SAMD3: variants seen among roughly 807,000 people sequenced by gnomAD.
The protein encoded by SAMD3 is sterile alpha motif domain-containing protein 3.
SAMD3 carries 63 observed loss-of-function variants against 58.5 expected under a neutral mutation model. The observed-to-expected ratio is 1.08, with a 90% CI of 0.88 to 1.33. The LOEUF (loss-of-function observed/expected upper bound fraction) is 1.33. Ranked by LOEUF, SAMD3 falls within the 40% of genes most tolerant of loss-of-function variation. The pLI, the probability that SAMD3 is intolerant of heterozygous loss-of-function variation, is 0.00. For synonymous variants in SAMD3, 220 were observed against 210.3 expected (o/e 1.05, Z -0.40); for missense variants, 604 against 608.4 (o/e 0.99, Z 0.08).
intron 1 of SAMD3, among the ~76,000 whole-genome samples, chr6:130,330,391 T>A (rs995700369): frequency 6.6e-6 from 1 of 152,230 alleles, no homozygotes; most frequent in East Asian, 1.9e-4. Context: ...TATTGCTATC[T>A]AAGCTTTAAT....
At chr6:130,232,635 G>T (rs963655916) in intron 2 of SAMD3, among the ~76,000 whole-genome samples, 2 of 151,746 alleles carry the variant, frequency 1.3e-5, no homozygotes, top group Non-Finnish European at 1.5e-5. Flanking sequence ...CTCCTTTCTG[G>T]ATGTATGACT....
intron 8 of SAMD3, among the ~76,000 whole-genome samples, chr6:130,157,072 A>AAAATAAAT (rs140922244): frequency 7.4e-4 from 106 of 143,474 alleles, no homozygotes; most frequent in Admixed American, 1.1e-3. Context: ...TCCGTCTCAA[A>AAAATAAAT]AAATAAATAA....
intron 1 of SAMD3, among the ~76,000 whole-genome samples, chr6:130,344,936 C>G (rs1023056493): frequency 1.3e-5 from 2 of 151,698 alleles, no homozygotes; most frequent in Admixed American, 6.6e-5. Flanking sequence ...ATGCCCACCC[C>G]CCTCCATCTC....
intron 2 of SAMD3, 157 bp from the exon 3 acceptor site, chr6:130,215,451 T>A (rs564064100): frequency 1.6e-6 from 2 of 1,288,134 alleles, no homozygotes; most frequent in Admixed American, 7.5e-5. Flanking sequence ...ATTTAAAAAT[T>A]GCTAACAAAA....
At chr6:130,326,542 T>C (rs974534345) in intron 1 of SAMD3, among the ~76,000 whole-genome samples, 7 of 152,212 alleles carry the variant, frequency 4.6e-5, no homozygotes, top group Admixed American at 1.3e-4. Flanking sequence ...TATTTTACTG[T>C]TCATCTGTCT....
chr6:130,287,364 A>G (rs1294244391), intron 2 of SAMD3, among the ~76,000 whole-genome samples: 4 of 152,202 alleles, frequency 2.6e-5, no homozygotes, highest in Non-Finnish European at 5.9e-5. Context: ...GCATTCTTGC[A>G]TTTAGTAGAC....
intron 2 of SAMD3, among the ~76,000 whole-genome samples, chr6:130,296,364 T>C (rs1257926401): frequency 1.3e-5 from 2 of 151,396 alleles, no homozygotes; most frequent in Non-Finnish European, 2.9e-5. Flanking sequence ...AAACTCAGAG[T>C]CCATGGAAAG....
At chr6:130,146,325 T>G (rs1788625240) in intron 9 of SAMD3, 144 bp from the exon 10 acceptor site, 1 of 434,708 alleles carries the variant, frequency 2.3e-6, no homozygotes, top group African/African-American at 2.0e-5. Flanking sequence ...AGTGGAGAAT[T>G]AAAGCCTTAG....
chr6:130,221,158 AAAAGATCTTT>A (rs1179773915), intron 1 of SAMD3, among the ~76,000 whole-genome samples: 1 of 152,180 alleles, frequency 6.6e-6, no homozygotes, highest in Non-Finnish European at 1.5e-5. Context: ...CCAGCCAGTG[AAAAGATCTTT>A]AAAATTGGTG....
At chr6:130,206,606 A>G (rs1358501256) in intron 5 of SAMD3, among the ~76,000 whole-genome samples, 1 of 152,218 alleles carries the variant, frequency 6.6e-6, no homozygotes, top group Non-Finnish European at 1.5e-5. Flanking sequence ...GGCAGGACAG[A>G]TAAGTTTACT....
In SAMD3 at chr6:130,155,007, C is replaced by A. The variant is rs770482871; in HGVS notation, c.841G>T (p.Asp281Tyr). The A allele has an allele frequency of 1.2e-6, 2 of 1,612,642 alleles. No individual in the cohort carries two copies. The highest frequency in any genetic ancestry group is 2.2e-5 in the East Asian group (1 of 44,740). The change falls in exon 9 of 12, where the codon GAT (aspartate) becomes TAT (tyrosine). Residue 281 changes from aspartate to tyrosine, a missense_variant. Coordinates refer to ENST00000439090, the MANE Select transcript of SAMD3 (RefSeq NM_001017373.4). ...TTAATATGTTCATCTAGCTCAGAAT[C>A]AAAACAAACAGCTTCTTCCTGCAAA... ...VQIKEEAVCF[D>Y]SELDEHIKWF...
intron 2 of SAMD3, among the ~76,000 whole-genome samples, chr6:130,288,012 C>A (rs1775222015): frequency 6.6e-6 from 1 of 151,622 alleles, no homozygotes; most frequent in South Asian, 2.1e-4. Context: ...GTGGCACAAG[C>A]TTCCAGCTAT....
chr6:130,352,623 T>C (rs1777711878), intron 1 of SAMD3, among the ~76,000 whole-genome samples: 1 of 152,196 alleles, frequency 6.6e-6, no homozygotes, highest in African/African-American at 2.4e-5. Flanking sequence ...TATTGAAGAA[T>C]ATGAAAATTT....
chr6:130,325,609 A>T (rs1033336237), intron 1 of SAMD3, among the ~76,000 whole-genome samples: 4 of 152,188 alleles, frequency 2.6e-5, no homozygotes, highest in African/African-American at 9.6e-5. Flanking sequence ...TTCTGGAAAC[A>T]TCCTCACAGA....
At chr6:130,325,238 A>T (rs1776717460) in intron 1 of SAMD3, among the ~76,000 whole-genome samples, 1 of 152,206 alleles carries the variant, frequency 6.6e-6, no homozygotes, top group Non-Finnish European at 1.5e-5. Flanking sequence ...GACTCATATG[A>T]TTATGGAGGC....
chr6:130,320,489 T>G (rs2115000215), intron 1 of SAMD3, among the ~76,000 whole-genome samples: 1 of 152,264 alleles, frequency 6.6e-6, no homozygotes, highest in South Asian at 2.1e-4. Flanking sequence ...GCTTGGCAGT[T>G]TTAAAAAAGA....
At chr6:130,342,078 A>G (rs1777292812) in intron 1 of SAMD3, among the ~76,000 whole-genome samples, 2 of 152,164 alleles carry the variant, frequency 1.3e-5, no homozygotes, top group Admixed American at 1.3e-4. Context: ...CCACAGAAAG[A>G]CATCAAGTTG....
intron 2 of SAMD3, among the ~76,000 whole-genome samples, chr6:130,267,726 G>T (rs1278211825): frequency 6.6e-6 from 1 of 152,144 alleles, no homozygotes; most frequent in African/African-American, 2.4e-5. Context: ...TCCAGACATT[G>T]TATAGAAAGA....
chr6:130,221,691 C>T (rs1796232502), intron 1 of SAMD3: 1 of 151,972 alleles, frequency 6.6e-6, no homozygotes, highest in Non-Finnish European at 1.5e-5. Context: ...AGTGAGTAGG[C>T]TGAGGAGGAG....
Sources: gnomAD v4.1 joint callset for allele counts (sites outside exome capture counted in the v4.1 genomes callset) on GRCh38, gnomAD v4.1.1 for gene constraint, MANE v1.5 for transcripts, NCBI Gene and HGNC (gene_info 2026-07-23, HGNC 2026-07-21) for gene names.